Variants in CFAP46 observed in about 807,000 individuals in gnomAD.
CFAP46 encodes the protein cilia and flagella associated protein 46.
CFAP46 carries 245 observed loss-of-function variants against 325.7 expected under a neutral mutation model. That is an observed-to-expected ratio of 0.75 (90% confidence interval 0.68 to 0.84). CFAP46 has a LOEUF of 0.84. Ranked by LOEUF, CFAP46 falls within the 40% of genes least tolerant of loss-of-function variation. The pLI is 0.00. For synonymous variants in CFAP46, 1,523 were observed against 1,495.9 expected (o/e 1.02, Z -0.42); for missense variants, 3,346 against 3,543.0 (o/e 0.94, Z 1.41).
Position 132,920,578 on chromosome 10 carries a change from G to C in CFAP46, c.1607-396C>G, listed in dbSNP as rs142547679. 7.2e-3 allele frequency among the ~76,000 whole-genome samples: 1,095 copies of C among 152,314 alleles called. 19 individuals are homozygous for C. Among genetic ancestry groups the C allele is most frequent in the African/African-American group, 0.025 (1,033 of 41,566 alleles). ...GTCCCAGCAGGTTTATCCGCATGAC[G>C]CCAGATGTTCCGAATCACCGCTCCT... On this transcript the variant is annotated intron_variant, in intron 13 of 57. Transcript: ENST00000368586.
rs1046569661 is a variant in CFAP46 at position 132,828,354 on chromosome 10, A to T, written c.7117+5004T>A. ...AGGGTTCCGGTTCCACACCCTCCCA[A>T]CACGCGCTCTGGTCGACTGTGTGAG... On this transcript the variant is annotated intron_variant, in intron 50 of 57. Transcript: ENST00000368586. This position sits in a 1 kb window ranked among gnomAD's most constrained non-coding sequence, Gnocchi z 4.9. Among the ~76,000 whole-genome samples the T allele has an allele frequency of 1.3e-5, 2 of 152,168 alleles. No homozygotes were observed. The highest frequency in any genetic ancestry group is 1.5e-5 in the Non-Finnish European group (1 of 68,040).
chr10:132,836,635 GCCCC>G (rs3833717), intron 45 of CFAP46, among the ~76,000 whole-genome samples, 178 bp downstream of exon 45: 3 of 151,752 alleles, frequency 2.0e-5, no homozygotes, highest in Admixed American at 1.3e-4. Context: ...TCTCTGGACG[GCCCC>G]CCCCCCTTGG....
chr10:132,902,758 A>G (rs1407209678), intron 22 of CFAP46, among the ~76,000 whole-genome samples: 1 of 152,164 alleles, frequency 6.6e-6, no homozygotes. Flanking sequence ...GATTGTGTCC[A>G]CTTCCTTTAA....
rs953697318 is a variant in CFAP46, at chr10:132,916,510, C to T, written c.2120+39G>A. ...GTGCAGGGGACACTCTGACCCACGGCCCCGGGCGGTGCTCAAGGCCACTGT... is the reference window on the plus strand; with the variant it reads ...GTGCAGGGGACACTCTGACCCACGGTCCCGGGCGGTGCTCAAGGCCACTGT... On this transcript the variant is annotated intron_variant, in intron 17 of 57. Coordinates refer to ENST00000368586, the MANE Select transcript of CFAP46 (RefSeq NM_001200049.3). 5 of 1,536,060 alleles carry T rather than the reference C, an allele frequency of 3.3e-6. No homozygotes were observed. In the African/African-American group the frequency reaches 5.5e-5, roughly 17 times the overall value.
At chr10:132,837,554 C>T (rs545108459) in intron 44 of CFAP46, among the ~76,000 whole-genome samples, 3 of 149,942 alleles carry the variant, frequency 2.0e-5, no homozygotes, top group South Asian at 2.1e-4. Flanking sequence ...GATGCGCACA[C>T]ACAGACATGC....
chr10:132,880,972 G>A lies in CFAP46; in HGVS notation c.3688C>T (p.His1230Tyr). 1 of 1,550,526 alleles carries A rather than the reference G, an allele frequency of 6.4e-7. No individual in the cohort carries two copies. The highest frequency in any genetic ancestry group is 1.2e-5 in the South Asian group (1 of 84,058). Residue 1230 changes from histidine (H) to tyrosine (Y), a missense_variant, in exon 28 of 58, where the codon CAC (histidine) becomes TAC (tyrosine). Transcript: ENST00000368586. ...ACGTCCTCGAGAGGAAAGTGTCTGT[G>A]ATGGAGCCACTGGCCGAACTCCATG... ...YLMEFGQWLH[H>Y]RHFPLEDVVF...
At chr10:132,816,036 T>A (rs1007784673) in intron 50 of CFAP46, among the ~76,000 whole-genome samples, 3 of 152,188 alleles carry the variant, frequency 2.0e-5, no homozygotes, top group African/African-American at 4.8e-5. Flanking sequence ...AATCCATCGA[T>A]GTCCTTTTTT....
At chr10:132,813,922 C>A (rs948260188) in intron 54 of CFAP46, among the ~76,000 whole-genome samples, 2 of 152,240 alleles carry the variant, frequency 1.3e-5, no homozygotes, top group African/African-American at 4.8e-5. Context: ...GGACCATGTG[C>A]TATCAGTGAC....
In CFAP46 at chr10:132,832,018, ACTTTGCTTCCATTC is replaced by A. The variant is rs1320470921; in HGVS notation, c.7117+1326_7117+1339del. On this transcript the variant is annotated intron_variant, in intron 50 of 57. Transcript: ENST00000368586. This position sits in a 1 kb window ranked among gnomAD's most constrained non-coding sequence, Gnocchi z 4.1. ...TCTCCAGAGGATGGAGACTTTAAAT[ACTTTGCTTCCATTC>A]CCTCCCTCTCATCTTTTGTGCTGTC... 6.6e-6 allele frequency among the ~76,000 whole-genome samples: 1 copy of A among 151,982 alleles called. No individual in the cohort carries two copies. The highest frequency in any genetic ancestry group is 1.5e-5 in the Non-Finnish European group (1 of 67,996).
intron 16 of CFAP46, 135 bp from the exon 17 acceptor site, chr10:132,916,817 C>G: frequency 2.3e-6 from 3 of 1,282,948 alleles, no homozygotes; most frequent in Non-Finnish European, 3.1e-6. Flanking sequence ...TTTGCTGTGC[C>G]CTTTGCAAGC....
intron 44 of CFAP46, 56 bp downstream of exon 44, chr10:132,845,997 GTGTC>G: frequency 6.5e-7 from 1 of 1,537,172 alleles, no homozygotes; most frequent in Non-Finnish European, 8.8e-7. Flanking sequence ...TGCGGCTGCA[GTGTC>G]TGTCCACAGA....
chr10:132,843,586 G>T (rs372028547), intron 44 of CFAP46, among the ~76,000 whole-genome samples: 8 of 132,826 alleles, frequency 6.0e-5, no homozygotes, highest in Non-Finnish European at 8.1e-5. Context: ...CTCTGGTCTC[G>T]GTGGGTGTTC....
At chr10:132,835,733 G>T (rs2135014159) in intron 46 of CFAP46, among the ~76,000 whole-genome samples, 1 of 152,182 alleles carries the variant, frequency 6.6e-6, no homozygotes, top group South Asian at 2.1e-4. Flanking sequence ...GGCTGGGAGA[G>T]GCCACACCCC....
At chr10:132,872,999 T>C (rs1564786235) in intron 31 of CFAP46, among the ~76,000 whole-genome samples, 175 bp from the exon 32 acceptor site, 1 of 152,216 alleles carries the variant, frequency 6.6e-6, no homozygotes, top group African/African-American at 2.4e-5. Flanking sequence ...GTGGGATGGA[T>C]GGAGGCTGTG....
rs186407792 is a variant in CFAP46 at position 132,826,914 on chromosome 10, T to C, written c.7117+6444A>G. On this transcript the variant is annotated intron_variant, in intron 50 of 57. Transcript: ENST00000368586. Reference sequence around the variant, plus strand: ...AGTACAGTCAGGAGGGTGGGCGCTGTGGGCGGCGAGCTGGGCTGGGGAAGC... The same window carrying C: ...AGTACAGTCAGGAGGGTGGGCGCTGCGGGCGGCGAGCTGGGCTGGGGAAGC... Among the ~76,000 whole-genome samples, 40 of 152,202 alleles carry C rather than the reference T, an allele frequency of 2.6e-4. No individual in the cohort carries two copies. The East Asian group carries it at 7.7e-3, about 29-fold the overall frequency.
chr10:132,851,918 T>C (rs61376027), intron 39 of CFAP46, among the ~76,000 whole-genome samples: 4,689 of 136,804 alleles, frequency 0.034, 210 homozygotes, highest in African/African-American at 0.13. Flanking sequence ...TCCATTTACT[T>C]AGGAATTCTC....
At chr10:132,909,267 T>C in intron 20 of CFAP46, 23 bp from the exon 21 acceptor site, 5 of 1,519,828 alleles carry the variant, frequency 3.3e-6, no homozygotes, top group Non-Finnish European at 4.5e-6. Context: ...ATGCCCTGAG[T>C]GTATCAGCCC....
intron 4 of CFAP46, 146 bp downstream of exon 4, chr10:132,940,850 T>C (rs1850087132): frequency 9.3e-6 from 7 of 755,052 alleles, no homozygotes; most frequent in South Asian, 8.4e-5. Context: ...GCTGACGAGA[T>C]GAGGGAGTGA....
chr10:132,879,517 T>C lies in CFAP46; in HGVS notation c.3914A>G (p.His1305Arg), dbSNP rs1849006696. The C allele has an allele frequency of 1.3e-6, 2 of 1,547,354 alleles. No homozygotes were observed. Among genetic ancestry groups the C allele is most frequent in the Non-Finnish European group, 1.7e-6 (2 of 1,146,004 alleles). ...VRQLEALARV[H>R]ILLALVLSPG... is the part of the protein sequence containing the mutation. ...CGACAGCACCAGGGCCAGCAGGATG[T>C]GCACGCGGGCCAGCGCCTCCAGCTG... is the stretch of plus-strand genomic sequence containing the variant. The change falls in exon 29 of 58, where the codon CAC becomes CGC. Residue 1305 changes from histidine (H) to arginine (R), a missense_variant. His to Arg is a conservative substitution (Grantham distance 29). Transcript: ENST00000368586.
Sources: allele counts gnomAD v4.1 joint callset (sites outside exome capture counted in the v4.1 genomes callset), GRCh38; gene constraint gnomAD v4.1.1; non-coding constraint Gnocchi (gnomAD v3.1); transcripts MANE v1.5; gene names NCBI Gene and HGNC (gene_info 2026-07-23, HGNC 2026-07-21).